The following MKLN1 variants were observed in gnomAD, a reference collection of about 807,000 sequenced individuals.
The protein encoded by MKLN1 is muskelin 1.
Under a neutral mutation model 99.0 loss-of-function variants are expected in MKLN1, and 18 were observed. The ratio of observed to expected loss-of-function variants is 0.18; its 90% CI spans 0.13 to 0.27. MKLN1 has a LOEUF of 0.27. Among genes scored for constraint, MKLN1 ranks in the 10% least tolerant of loss-of-function variants. The probability of loss-of-function intolerance (pLI) is 1.00; values close to 1 mark genes in which losing one functional copy is unlikely to be tolerated. For missense variants in MKLN1, 621 were observed against 875.9 expected, an observed-to-expected ratio of 0.71 and a Z score of 3.67; for synonymous variants, 288 against 293.2, an observed-to-expected ratio of 0.98 and a Z score of 0.18.
rs554863849 is a variant in MKLN1, at chr7:131,145,877, G to A, written c.-297+2936G>A. Among the ~76,000 whole-genome samples the A allele has an allele frequency of 8.5e-5, 13 of 152,332 alleles. No homozygotes were observed. The East Asian group carries it at 2.5e-3, about 29-fold the overall frequency. On this transcript the variant is annotated intron_variant, in intron 2 of 7. Transcript: ENST00000416992. ...CCCTGACCCTGGTGCCCGGAAGTGG[G>A]GCAGTCATGCCCCATTCACTGGGTA...
At chr7:131,326,741 G>A (rs970250342), upstream of MKLN1, 2 of 152,174 alleles carry the variant, frequency 1.3e-5, no homozygotes, top group South Asian at 2.1e-4. Context: ...AGGACTGGAG[G>A]GAATTTCGGC....
rs1797419356 is a variant in MKLN1 at position 131,491,387 on chromosome 7, G to A, written c.*3659G>A. ...TGCCCAGAAAAAGTTTATGGCTGGAGGAGTATCATACAGTGTCTACATATG... is the reference window on the plus strand; with the variant it reads ...TGCCCAGAAAAAGTTTATGGCTGGAAGAGTATCATACAGTGTCTACATATG... On this transcript the variant is annotated 3_prime_UTR_variant, in exon 18 of 18. Transcript: ENST00000352689. The A allele has an allele frequency of 6.6e-6, 1 of 152,020 alleles. No individual in the cohort carries two copies. The highest frequency in any genetic ancestry group is 6.6e-5 in the Admixed American group (1 of 15,248). 9.4% of individuals were successfully genotyped at this position (152,020 alleles called of 1,614,324 possible).
intron 1 of MKLN1, among the ~76,000 whole-genome samples, chr7:131,333,566 C>T (rs1183279622): frequency 6.7e-6 from 1 of 149,872 alleles, no homozygotes; most frequent in African/African-American, 2.5e-5. Flanking sequence ...AACGGAGTTT[C>T]GCTCTTATTG....
chr7:131,208,639 A>G (rs1796854290), intron 3 of MKLN1, among the ~76,000 whole-genome samples: 2 of 152,170 alleles, frequency 1.3e-5, no homozygotes, highest in South Asian at 4.1e-4. Context: ...AATATGTTAC[A>G]GATATTACTT....
intron 1 of MKLN1, among the ~76,000 whole-genome samples, chr7:131,359,204 G>GTT (rs775334062): frequency 6.6e-6 from 1 of 152,000 alleles, no homozygotes; most frequent in Admixed American, 6.6e-5. Flanking sequence ...AAGTTTTGAT[G>GTT]TTTTGTTCTT....
chr7:131,358,266 T>C (rs1159114575), intron 1 of MKLN1, among the ~76,000 whole-genome samples: 2 of 152,192 alleles, frequency 1.3e-5, no homozygotes, highest in East Asian at 1.9e-4. Flanking sequence ...ATGTGTTGGA[T>C]TCTGTGAAAT....
intron 2 of MKLN1, among the ~76,000 whole-genome samples, chr7:131,385,631 A>G (rs1349443869): frequency 1.3e-5 from 2 of 152,138 alleles, no homozygotes; most frequent in African/African-American, 4.8e-5. Flanking sequence ...GATGTTAAGC[A>G]TCTTTTCATG....
At chr7:131,480,696 T>C (rs1227772473) in intron 17 of MKLN1, among the ~76,000 whole-genome samples, 1 of 152,220 alleles carries the variant, frequency 6.6e-6, no homozygotes, top group African/African-American at 2.4e-5. Flanking sequence ...AGAACCTAGG[T>C]GTAAACATTA....
intron 1 of MKLN1, among the ~76,000 whole-genome samples, chr7:131,133,587 C>G (rs1419149183): frequency 6.6e-6 from 1 of 150,676 alleles, no homozygotes; most frequent in African/African-American, 2.4e-5. Context: ...CTCCTGACCT[C>G]GTGATCCGCC....
At chr7:131,429,288 C>G (rs1200663518) in intron 9 of MKLN1, 143 bp downstream of exon 9, 1 of 536,556 alleles carries the variant, frequency 1.9e-6, no homozygotes, top group Non-Finnish European at 3.2e-6. Context: ...TTTTTAAGTA[C>G]TCTTGAATTT....
chr7:131,398,687 T>A (rs1038042097), intron 5 of MKLN1, among the ~76,000 whole-genome samples: 1 of 150,970 alleles, frequency 6.6e-6, no homozygotes, highest in Non-Finnish European at 1.5e-5. Context: ...CAAGACCCTG[T>A]CTCAAAAAAA....
chr7:131,261,846 A>G (rs1797735496), intron 3 of MKLN1, among the ~76,000 whole-genome samples: 1 of 152,230 alleles, frequency 6.6e-6, no homozygotes, highest in African/African-American at 2.4e-5. Context: ...CCTTTGCAGC[A>G]ATGTGGATGG....
At chr7:131,247,414 C>A (rs1447586265) in intron 3 of MKLN1, among the ~76,000 whole-genome samples, 1 of 151,922 alleles carries the variant, frequency 6.6e-6, no homozygotes, top group East Asian at 1.9e-4. Flanking sequence ...TGGGGTTTCA[C>A]CATGTTGGTC....
chr7:131,242,002 A>G (rs1226614084), intron 3 of MKLN1, among the ~76,000 whole-genome samples: 1 of 152,154 alleles, frequency 6.6e-6, no homozygotes, highest in African/African-American at 2.4e-5. Flanking sequence ...TATTTTCATC[A>G]TAATCCTAAA....
At chr7:131,256,655 CA>C (rs1308549860) in intron 3 of MKLN1, among the ~76,000 whole-genome samples, 1 of 152,172 alleles carries the variant, frequency 6.6e-6, no homozygotes, top group Non-Finnish European at 1.5e-5. Flanking sequence ...ATGTCCTTTG[CA>C]GCAACTTGGA....
At chr7:131,190,751 G>C (rs375207452) in intron 2 of MKLN1, among the ~76,000 whole-genome samples, 14 of 152,242 alleles carry the variant, frequency 9.2e-5, no homozygotes, top group African/African-American at 3.1e-4. Context: ...AAGACCCACT[G>C]GTTGGGAATT....
intron 7 of MKLN1, among the ~76,000 whole-genome samples, chr7:131,413,275 G>A (rs1054468517): frequency 6.6e-6 from 1 of 152,170 alleles, no homozygotes; most frequent in African/African-American, 2.4e-5. Flanking sequence ...GCTGAATACA[G>A]TAGTAATGAA....
At chr7:131,247,073 A>C (rs1797500011) in intron 3 of MKLN1, among the ~76,000 whole-genome samples, 1 of 152,152 alleles carries the variant, frequency 6.6e-6, no homozygotes, top group Non-Finnish European at 1.5e-5. Flanking sequence ...GTTGACAAGT[A>C]CAAGTTTTGT....
At chr7:131,207,378 A>T (rs1796829684) in intron 3 of MKLN1, among the ~76,000 whole-genome samples, 1 of 151,788 alleles carries the variant, frequency 6.6e-6, no homozygotes, top group Non-Finnish European at 1.5e-5. Context: ...TTGTGTTTTT[A>T]GTAGAGACAG....
Sources: gnomAD v4.1 joint callset for allele counts (sites outside exome capture counted in the v4.1 genomes callset) on GRCh38, gnomAD v4.1.1 for gene constraint, MANE v1.5 for transcripts, NCBI Gene and HGNC (gene_info 2026-07-23, HGNC 2026-07-21) for gene names.